PRKCB: variants seen among roughly 807,000 people sequenced by gnomAD.
PRKCB encodes the protein protein kinase C beta type.
Under a neutral mutation model 81.5 loss-of-function variants are expected in PRKCB, and 13 were observed. The ratio of observed to expected loss-of-function variants is 0.16; its 90% CI spans 0.10 to 0.25. The LOEUF (loss-of-function observed/expected upper bound fraction) is 0.25. Among genes scored for constraint, PRKCB ranks in the 10% least tolerant of loss-of-function variants. The pLI, the probability that PRKCB is intolerant of heterozygous loss-of-function variation, is 1.00. For missense variants in PRKCB, 509 were observed against 875.7 expected (o/e 0.58, Z 5.29); for synonymous variants, 335 against 321.4 (o/e 1.04, Z -0.45).
intron 7 of PRKCB, among the ~76,000 whole-genome samples, chr16:24,100,464 C>T (rs1440150276): frequency 6.6e-6 from 1 of 152,118 alleles, no homozygotes; most frequent in African/African-American, 2.4e-5. Context: ...ACTCATAGGC[C>T]ACTGCTGGGC....
At chr16:24,072,582 C>G (rs755580812) in intron 5 of PRKCB, among the ~76,000 whole-genome samples, 3 of 148,522 alleles carry the variant, frequency 2.0e-5, no homozygotes, top group Non-Finnish European at 4.4e-5. Flanking sequence ...CTTTCTCTCT[C>G]TCTCTCTTTT....
intron 2 of PRKCB, among the ~76,000 whole-genome samples, chr16:23,919,535 A>G (rs1204619792): frequency 6.6e-6 from 1 of 152,200 alleles, no homozygotes; most frequent in African/African-American, 2.4e-5. Context: ...TTAGTACACA[A>G]GCAACATGCT....
intron 2 of PRKCB, among the ~76,000 whole-genome samples, chr16:23,901,429 C>T (rs543384094): frequency 7.8e-4 from 119 of 152,200 alleles, no homozygotes; most frequent in Middle Eastern, 3.4e-3. Context: ...AATCTCACTA[C>T]GCAGACTGGA....
intron 10 of PRKCB, among the ~76,000 whole-genome samples, chr16:24,161,383 A>G (rs1307646299): frequency 6.6e-6 from 1 of 152,224 alleles, no homozygotes; most frequent in African/African-American, 2.4e-5. Flanking sequence ...GAATATTCAC[A>G]TGGAAAAGAA....
chr16:23,875,413 A>T (rs1962978273), intron 2 of PRKCB, among the ~76,000 whole-genome samples: 1 of 151,642 alleles, frequency 6.6e-6, no homozygotes. Flanking sequence ...CCTTTTTAGC[A>T]GAGCTTACCA....
intron 14 of PRKCB, 45 bp downstream of exon 14, chr16:24,185,236 C>A: frequency 6.5e-7 from 1 of 1,538,808 alleles, no homozygotes; most frequent in Non-Finnish European, 8.9e-7. Context: ...CTCCCTACCC[C>A]CATCCACATG....
intron 2 of PRKCB, among the ~76,000 whole-genome samples, chr16:23,953,293 G>A (rs1964307996): frequency 6.6e-6 from 1 of 152,114 alleles, no homozygotes; most frequent in Non-Finnish European, 1.5e-5. Context: ...TTGACTTCGG[G>A]GCTGACATTT....
Position 24,208,605 on chromosome 16 carries a change from G to A in PRKCB, c.1864-6053G>A, listed in dbSNP as rs568580189. 8 of 152,100 alleles carry A rather than the reference G, an allele frequency of 5.3e-5. No individual in the cohort carries two copies. In the East Asian group the frequency reaches 7.7e-4, roughly 15 times the overall value. 9.4% of individuals were successfully genotyped at this position (152,100 alleles called of 1,614,324 possible). ...GATGTACCCTGATGACAAGGGAGTC[G>A]GATTTTCTTTTTTTTTTTAAGCTGA... On this transcript the variant is annotated intron_variant, in intron 16 of 16. Transcript: ENST00000643927.
intron 3 of PRKCB, among the ~76,000 whole-genome samples, chr16:23,999,892 T>C (rs1399961664): frequency 1.3e-5 from 2 of 152,108 alleles, no homozygotes; most frequent in South Asian, 2.1e-4. Flanking sequence ...GGGTGGATGA[T>C]CTAAGATGGC....
chr16:23,861,551 A>AGTTATTTGCT (rs1962664377), intron 2 of PRKCB, among the ~76,000 whole-genome samples: 2 of 152,132 alleles, frequency 1.3e-5, no homozygotes, highest in African/African-American at 4.8e-5. Flanking sequence ...AAGACTTAAC[A>AGTTATTTGCT]CTGTCATCAA....
chr16:23,899,335 A>G (rs1963429111), intron 2 of PRKCB, among the ~76,000 whole-genome samples: 1 of 152,198 alleles, frequency 6.6e-6, no homozygotes, highest in South Asian at 2.1e-4. Flanking sequence ...TTTAAGGGAA[A>G]CAGTACATTC....
intron 2 of PRKCB, among the ~76,000 whole-genome samples, chr16:23,974,347 T>G (rs997432857): frequency 1.3e-5 from 2 of 152,164 alleles, no homozygotes; most frequent in African/African-American, 4.8e-5. Context: ...ATAGAATTCC[T>G]GAAGTCCCTT....
rs752461659 is a variant in PRKCB, at chr16:24,092,772, A to C, written c.530-19A>C. Reference sequence around the variant, plus strand: ...CATGTTGGACAGTATTAATGCAAAAACTGCTTTTTCTTTTTCAGTAAGAGA... The same window carrying C: ...CATGTTGGACAGTATTAATGCAAAACCTGCTTTTTCTTTTTCAGTAAGAGA... On this transcript the variant is annotated intron_variant, in intron 5 of 16. Coordinates refer to ENST00000643927, the MANE Select transcript of PRKCB (RefSeq NM_002738.7). The C allele has an allele frequency of 6.2e-7, 1 of 1,610,760 alleles. No individual in the cohort carries two copies. The highest frequency in any genetic ancestry group is 1.1e-5 in the South Asian group (1 of 90,732).
At chr16:24,213,226 G>A (rs1968173839) in intron 16 of PRKCB, among the ~76,000 whole-genome samples, 1 of 151,898 alleles carries the variant, frequency 6.6e-6, no homozygotes. Context: ...GTAGAGACGG[G>A]GTTTCATCAT....
At chr16:24,130,733 C>T (rs1040922916) in intron 9 of PRKCB, among the ~76,000 whole-genome samples, 2 of 152,196 alleles carry the variant, frequency 1.3e-5, no homozygotes, top group Admixed American at 6.5e-5. Flanking sequence ...TTGTTTTTCT[C>T]TGCAGTCAGA....
rs575352422 is a variant in PRKCB at position 24,200,437 on chromosome 16, GT to G, written c.1863+9209del. On this transcript the variant is annotated intron_variant, in intron 16 of 16. Coordinates refer to ENST00000643927, the MANE Select transcript of PRKCB (RefSeq NM_002738.7). ...GATCAAACCAGGCTCCCTTTAGATG[GT>G]TGGAATTGTCAGGTTCCTGAGCCAG... Among the ~76,000 whole-genome samples, 551 of 152,292 alleles carry G rather than the reference GT, an allele frequency of 3.6e-3. 2 individuals are homozygous for G. The highest frequency in any genetic ancestry group is 6.2e-3 in the Non-Finnish European group (421 of 68,010).
intron 9 of PRKCB, among the ~76,000 whole-genome samples, chr16:24,130,759 A>C (rs1402320956): frequency 2.0e-5 from 3 of 152,172 alleles, no homozygotes; most frequent in Non-Finnish European, 4.4e-5. Flanking sequence ...GAGGAGGCAC[A>C]AGCTGCTTCT....
chr16:23,873,216 A>G (rs1157336016), intron 2 of PRKCB, among the ~76,000 whole-genome samples: 4 of 150,580 alleles, frequency 2.7e-5, no homozygotes, highest in African/African-American at 4.9e-5. Flanking sequence ...AAAAGAAAAA[A>G]AAAGTTAGCT....
chr16:23,885,304 T>C (rs965736539), intron 2 of PRKCB, among the ~76,000 whole-genome samples: 1 of 152,088 alleles, frequency 6.6e-6, no homozygotes, highest in African/African-American at 2.4e-5. Context: ...CACAGCTCTT[T>C]TTTTCTTTTT....
Sources: gnomAD v4.1 joint callset for allele counts (sites outside exome capture counted in the v4.1 genomes callset) on GRCh38, gnomAD v4.1.1 for gene constraint, MANE v1.5 for transcripts, NCBI Gene and HGNC (gene_info 2026-07-23, HGNC 2026-07-21) for gene names.